HECW2: variants seen among roughly 807,000 people sequenced by gnomAD.
HECW2 encodes E3 ubiquitin-protein ligase HECW2.
Under a neutral mutation model 175.2 loss-of-function variants are expected in HECW2, and 61 were observed. That is an observed-to-expected ratio of 0.35 (90% confidence interval 0.28 to 0.43). The LOEUF is 0.43. Ranked by LOEUF, HECW2 falls within the 20% of genes least tolerant of loss-of-function variation. The pLI is 1.00. For synonymous variants in HECW2, 671 were observed against 731.0 expected (o/e 0.92, Z 1.32); for missense variants, 1,524 against 2,000.5 (o/e 0.76, Z 4.54).
chr2:196,376,079 G>T (rs1347401335), intron 2 of HECW2, among the ~76,000 whole-genome samples: 2 of 152,108 alleles, frequency 1.3e-5, no homozygotes, highest in Non-Finnish European at 2.9e-5. Context: ...TGGTGGGAAG[G>T]GCACAATACA....
chr2:196,526,564 G>C (rs980185587), intron 1 of HECW2, among the ~76,000 whole-genome samples: 7 of 151,174 alleles, frequency 4.6e-5, no homozygotes, highest in African/African-American at 1.7e-4. Context: ...CTGCGTTTTA[G>C]AGTTTCCAGT....
chr2:196,522,648 T>C (rs1688448935), intron 1 of HECW2, among the ~76,000 whole-genome samples: 1 of 151,862 alleles, frequency 6.6e-6, no homozygotes, highest in Admixed American at 6.6e-5. Flanking sequence ...CTTGAATTGA[T>C]TTTTGTATAA....
At chr2:196,216,805 A>T (rs1364172708) in intron 27 of HECW2, among the ~76,000 whole-genome samples, 1 of 152,142 alleles carries the variant, frequency 6.6e-6, no homozygotes, top group East Asian at 1.9e-4. Flanking sequence ...AACTCTCATG[A>T]AATGCTTTAA....
intron 1 of HECW2, among the ~76,000 whole-genome samples, chr2:196,497,692 C>T (rs2125397337): frequency 6.6e-6 from 1 of 152,302 alleles, no homozygotes; most frequent in South Asian, 2.1e-4. Flanking sequence ...ACTAGAACCC[C>T]TTTTCCCCAA....
intron 2 of HECW2, among the ~76,000 whole-genome samples, chr2:196,420,802 T>C (rs950503082): frequency 1.3e-5 from 2 of 152,150 alleles, no homozygotes; most frequent in African/African-American, 4.8e-5. Context: ...TTTCAGCCAT[T>C]ATGTTATGGA....
intron 1 of HECW2, among the ~76,000 whole-genome samples, chr2:196,554,135 G>T (rs886955239): frequency 1.3e-5 from 2 of 152,012 alleles, no homozygotes; most frequent in African/African-American, 4.8e-5. Context: ...TCAGGAGATC[G>T]AGACCACGGT....
chr2:196,224,862 G>A (rs751371092), intron 23 of HECW2, among the ~76,000 whole-genome samples: 3 of 152,120 alleles, frequency 2.0e-5, no homozygotes, highest in Non-Finnish European at 4.4e-5. Context: ...GACAGAAAAC[G>A]GCACCTGTTC....
At chr2:196,390,943 C>T (rs1470444386) in intron 2 of HECW2, among the ~76,000 whole-genome samples, 2 of 152,112 alleles carry the variant, frequency 1.3e-5, no homozygotes, top group Non-Finnish European at 2.9e-5. Context: ...CTGTCTTATA[C>T]TCATTGGCAT....
chr2:196,329,800 A>G (rs973296271), intron 4 of HECW2, 150 bp from the exon 5 acceptor site: 1 of 590,974 alleles, frequency 1.7e-6, no homozygotes. Flanking sequence ...CTTGGAACAG[A>G]GACACAAATG....
chr2:196,228,257 G>A lies in HECW2; in HGVS notation c.3765-3C>T, dbSNP rs1687923360. 1.3e-6 allele frequency: 2 copies of A among 1,584,070 alleles called. No homozygotes were observed. The highest frequency in any genetic ancestry group is 2.2e-5 in the East Asian group (1 of 44,658). On this transcript the variant is annotated splice_polypyrimidine_tract_variant and splice_region_variant and intron_variant, in intron 21 of 28. Transcript: ENST00000644978. ...TAGAAGGCCCACTGTAATCCAGCCT[G>A]TAACAAAAATCCACAAAAAGAATAA...
intron 2 of HECW2, among the ~76,000 whole-genome samples, chr2:196,397,106 C>T (rs531602018): frequency 4.0e-5 from 6 of 148,358 alleles, no homozygotes; most frequent in East Asian, 4.0e-4. Context: ...AGCGAGACTC[C>T]GTCTCAACAA....
At chr2:196,390,373 G>A (rs994151531) in intron 2 of HECW2, among the ~76,000 whole-genome samples, 1 of 152,158 alleles carries the variant, frequency 6.6e-6, no homozygotes, top group Non-Finnish European at 1.5e-5. Context: ...TTAATTATCA[G>A]AAGGAACTGC....
chr2:196,374,895 G>A (rs1694006695), intron 2 of HECW2, among the ~76,000 whole-genome samples: 1 of 151,954 alleles, frequency 6.6e-6, no homozygotes, highest in Non-Finnish European at 1.5e-5. Context: ...GGGCGCAGTG[G>A]CTCATGCCTG....
chr2:196,248,986 A>T (rs1417860787), intron 19 of HECW2, among the ~76,000 whole-genome samples: 1 of 152,160 alleles, frequency 6.6e-6, no homozygotes, highest in East Asian at 1.9e-4. Context: ...TCATAGGCAC[A>T]ATGATCCCCC....
At chr2:196,231,583 G>C (rs1688058716) in intron 21 of HECW2, among the ~76,000 whole-genome samples, 1 of 152,234 alleles carries the variant, frequency 6.6e-6, no homozygotes, top group East Asian at 1.9e-4. Flanking sequence ...AGGTGCCATA[G>C]AGGTTTGACT....
chr2:196,543,182 A>G (rs1326284215), intron 1 of HECW2, among the ~76,000 whole-genome samples: 1 of 151,274 alleles, frequency 6.6e-6, no homozygotes, highest in African/African-American at 2.4e-5. Context: ...CAGTCAGAAA[A>G]TATTTTAGAC....
At chr2:196,507,806 T>C (rs569255195) in intron 1 of HECW2, among the ~76,000 whole-genome samples, 51 of 152,204 alleles carry the variant, frequency 3.4e-4, no homozygotes, top group Non-Finnish European at 2.5e-4. Context: ...TACGGGTGTG[T>C]TCCTCCCCCA....
intron 10 of HECW2, among the ~76,000 whole-genome samples, chr2:196,310,053 G>C (rs543197460): frequency 1.3e-5 from 2 of 152,266 alleles, no homozygotes; most frequent in East Asian, 3.9e-4. Context: ...AGGTGGAAGA[G>C]AGAACAGCCA....
intron 6 of HECW2, among the ~76,000 whole-genome samples, chr2:196,324,496 C>G (rs1211535007): frequency 6.6e-6 from 1 of 152,120 alleles, no homozygotes; most frequent in Non-Finnish European, 1.5e-5. Context: ...ATTCATAAAA[C>G]ATTTGCCAAA....
Sources: gnomAD v4.1 joint callset for allele counts (sites outside exome capture counted in the v4.1 genomes callset) on GRCh38, gnomAD v4.1.1 for gene constraint, MANE v1.5 for transcripts, NCBI Gene and HGNC (gene_info 2026-07-23, HGNC 2026-07-21) for gene names.